The following CAPN8 variants were observed in gnomAD, a reference collection of about 807,000 sequenced individuals.
CAPN8 encodes the protein calpain-8.
Under a neutral mutation model 80.9 loss-of-function variants are expected in CAPN8, and 87 were observed. The observed-to-expected ratio is 1.07, with a 90% confidence interval of 0.90 to 1.28. CAPN8 has a LOEUF of 1.28. CAPN8 is among the 50% of genes most tolerant of loss of function. CAPN8 has a pLI of 0.00. For missense variants in CAPN8, 757 were observed against 702.0 expected (o/e 1.08, Z -0.89); for synonymous variants, 299 against 273.8 (o/e 1.09, Z -0.91).
intron 17 of CAPN8, 108 bp downstream of exon 17, chr1:223,545,123 A>G (rs1656585473): frequency 6.6e-7 from 1 of 1,522,110 alleles, no homozygotes; most frequent in Non-Finnish European, 8.9e-7. Flanking sequence ...CCAGGACTCA[A>G]TAGTTTTGAC....
intron 6 of CAPN8, among the ~76,000 whole-genome samples, chr1:223,624,470 C>T (rs1033139232): frequency 6.6e-6 from 1 of 151,882 alleles, no homozygotes; most frequent in African/African-American, 2.4e-5. Context: ...TTTGGGAGGC[C>T]GAGGCAGGAG....
intron 6 of CAPN8, 94 bp downstream of exon 6, chr1:223,625,711 C>G (rs1475674991): frequency 2.6e-6 from 3 of 1,140,510 alleles, no homozygotes; most frequent in Non-Finnish European, 3.8e-6. Context: ...TCCGAACCTT[C>G]TAGTAGTAAT....
chr1:223,665,554 A>C lies in CAPN8; in HGVS notation c.93T>G (p.Asp31Glu). 6.4e-7 allele frequency: 1 copy of C among 1,551,648 alleles called. No individual in the cohort carries two copies. Among genetic ancestry groups the C allele is most frequent in the Non-Finnish European group, 8.7e-7 (1 of 1,146,992 alleles). Reference protein sequence around the residue: ...NQNALKYLGQDFKTLRQQCLD... With the variant: ...NQNALKYLGQEFKTLRQQCLD... The stretch of plus-strand genomic sequence containing the variant: ...AGCACTGTTGCCTCAGGGTCTTGAA[A>C]TCCTGGCCCAAGTACTTCAAAGCGT... Residue 31 changes from aspartate to glutamate, a missense_variant, in exon 1 of 21, where the codon GAT becomes GAG. Physicochemically the swap from Asp to Glu is conservative, Grantham distance 45 (BLOSUM62 2). Coordinates refer to ENST00000366872, the MANE Select transcript of CAPN8 (RefSeq NM_001143962.2).
intron 11 of CAPN8, among the ~76,000 whole-genome samples, chr1:223,611,635 C>T (rs887029980): frequency 6.6e-6 from 1 of 152,180 alleles, no homozygotes; most frequent in Non-Finnish European, 1.5e-5. Flanking sequence ...CAAGAACCCT[C>T]CCAGGCTAAG....
chr1:223,643,224 C>T (rs1440485946), intron 2 of CAPN8, among the ~76,000 whole-genome samples: 1 of 152,314 alleles, frequency 6.6e-6, no homozygotes, highest in East Asian at 1.9e-4. Flanking sequence ...TGGCACATCA[C>T]CGTTATTGCT....
At chr1:223,651,947 G>T (rs1033874302) in intron 2 of CAPN8, among the ~76,000 whole-genome samples, 2 of 152,310 alleles carry the variant, frequency 1.3e-5, no homozygotes, top group East Asian at 3.9e-4. Flanking sequence ...GGAATTTTTC[G>T]CATGGCTGCA....
At chr1:223,626,871 A>C in intron 5 of CAPN8, 118 bp downstream of exon 5, 1 of 1,064,846 alleles carries the variant, frequency 9.4e-7, no homozygotes, top group Non-Finnish European at 1.3e-6. Flanking sequence ...ACTAAGCTCC[A>C]GACTCTGCTC....
In CAPN8 at chr1:223,549,361, C is replaced by T. The variant is rs775240209; in HGVS notation, c.1721G>A (p.Gly574Glu). The T allele has an allele frequency of 6.4e-7, 1 of 1,551,618 alleles. No individual in the cohort carries two copies. The highest frequency in any genetic ancestry group is 8.7e-7 in the Non-Finnish European group (1 of 1,146,982). The change falls in exon 16 of 21, where the codon GGA becomes GAA. Residue 574 changes from glycine to glutamate, a missense_variant. By Grantham distance (98) the Gly-to-Glu change is moderately conservative (BLOSUM62 -2). Transcript: ENST00000366872. ...FSKRTDIKFD[G>E]FNINTCREMI... ...TTCCCTGCAAGTGTTGATGTTGAAT[C>T]CATCGAATTTTATGTCTGTTCCTAA...
chr1:223,553,805 G>A, intron 14 of CAPN8, 27 bp downstream of exon 14: 1 of 398,642 alleles, frequency 2.5e-6, no homozygotes, highest in Non-Finnish European at 4.4e-6. Context: ...CTGCCCACCT[G>A]GGAAGCCATG....
At chr1:223,650,088 A>G (rs1658305544) in intron 2 of CAPN8, among the ~76,000 whole-genome samples, 1 of 152,192 alleles carries the variant, frequency 6.6e-6, no homozygotes, top group South Asian at 2.1e-4. Flanking sequence ...TGCTAGTGGT[A>G]GATCAAGAGA....
At position 223,619,419 on chromosome 1, in the gene CAPN8, G is replaced by A. The variant is rs139467366; in HGVS notation, c.1009C>T (p.Arg337Trp). 124 of 1,551,662 alleles carry A rather than the reference G, an allele frequency of 8.0e-5. No homozygotes were observed. In the East Asian group the frequency reaches 2.3e-3, roughly 29 times the overall value. The change falls in exon 9 of 21, where the codon CGG becomes TGG. Residue 337 changes from arginine (R) to tryptophan (W), a missense_variant. Coordinates refer to ENST00000366872, the MANE Select transcript of CAPN8 (RefSeq NM_001143962.2). Reference sequence around the variant, plus strand: ...GGGGACAGGTTGCAGATCTCCAACCGAGAGAACTGCCTCACGAAATCTGAA... The same window carrying A: ...GGGGACAGGTTGCAGATCTCCAACCAAGAGAACTGCCTCACGAAATCTGAA... ...SLSDFVRQFS[R>W]LEICNLSPDS...
chr1:223,658,338 T>A (rs1400654387), intron 1 of CAPN8, among the ~76,000 whole-genome samples: 6 of 152,272 alleles, frequency 3.9e-5, no homozygotes, highest in Non-Finnish European at 2.9e-5. Context: ...CAATTACAAG[T>A]GAAATATACA....
chr1:223,630,051 T>C (rs1657725821), intron 2 of CAPN8, among the ~76,000 whole-genome samples: 1 of 152,146 alleles, frequency 6.6e-6, no homozygotes, highest in Non-Finnish European at 1.5e-5. Context: ...TGTGAACACA[T>C]TATGGTTTTC....
intron 2 of CAPN8, among the ~76,000 whole-genome samples, chr1:223,629,388 A>G (rs1365689118): frequency 1.3e-5 from 2 of 152,224 alleles, no homozygotes; most frequent in Non-Finnish European, 2.9e-5. Flanking sequence ...TTAAATCATC[A>G]TAATTTGAGG....
chr1:223,627,296 G>C (rs1159098751), intron 4 of CAPN8, 139 bp from the exon 5 acceptor site: 1 of 946,738 alleles, frequency 1.1e-6, no homozygotes, highest in Non-Finnish European at 1.6e-6. Context: ...CTATGGGCCA[G>C]GAAGGTGCTT....
At chr1:223,558,283 C>T in intron 12 of CAPN8, 116 bp from the exon 13 acceptor site, 1 of 395,542 alleles carries the variant, frequency 2.5e-6, no homozygotes, top group Non-Finnish European at 4.5e-6. Flanking sequence ...CACCCCAGAC[C>T]TCATTTCCTA....
chr1:223,628,559 T>G, intron 3 of CAPN8, 103 bp downstream of exon 3: 2 of 831,514 alleles, frequency 2.4e-6, no homozygotes, highest in Non-Finnish European at 3.9e-6. Context: ...TATTAAGACA[T>G]AGGTCACTGT....
intron 13 of CAPN8, among the ~76,000 whole-genome samples, chr1:223,556,963 A>G (rs1363521735): frequency 6.6e-6 from 1 of 152,132 alleles, no homozygotes; most frequent in Non-Finnish European, 1.5e-5. Flanking sequence ...AATTCTGCCC[A>G]GCTCAGATCA....
chr1:223,663,621 C>G (rs1658709041), intron 1 of CAPN8, among the ~76,000 whole-genome samples: 1 of 152,232 alleles, frequency 6.6e-6, no homozygotes, highest in Non-Finnish European at 1.5e-5. Context: ...CTCAAAAAAA[C>G]TGTCTGTTGA....
Sources: gnomAD v4.1 joint callset for allele counts (sites outside exome capture counted in the v4.1 genomes callset) on GRCh38, gnomAD v4.1.1 for gene constraint, MANE v1.5 for transcripts, NCBI Gene and HGNC (gene_info 2026-07-23, HGNC 2026-07-21) for gene names.